BCL2L13: variants seen among roughly 807,000 people sequenced by gnomAD.
BCL2L13 encodes bcl-2-like protein 13.
In BCL2L13, 13 loss-of-function variants were observed where a neutral mutation model predicts 25.8. The ratio of observed to expected loss-of-function variants is 0.50; its 90% CI spans 0.33 to 0.80. The LOEUF (loss-of-function observed/expected upper bound fraction) is 0.80, where lower values mean the gene tolerates loss of function less well. Among genes scored for constraint, BCL2L13 ranks in the 30% least tolerant of loss-of-function variants. The probability of loss-of-function intolerance (pLI) is 0.02; values close to 1 mark genes in which losing one functional copy is unlikely to be tolerated. For synonymous variants in BCL2L13, 244 were observed against 230.3 expected (o/e 1.06, Z -0.54); for missense variants, 504 against 574.9 (o/e 0.88, Z 1.26).
intron 1 of BCL2L13, among the ~76,000 whole-genome samples, chr22:17,655,065 CTT>C (rs58560639): frequency 2.7e-5 from 4 of 150,452 alleles, no homozygotes; most frequent in East Asian, 3.9e-4. Context: ...TTTAAATTTT[CTT>C]TTTTTTTTCC....
At chr22:17,715,149 TATATATATATATATATATA>T (rs1569007776) in intron 6 of BCL2L13, among the ~76,000 whole-genome samples, 2 of 8,976 alleles carry the variant, frequency 2.2e-4, no homozygotes, top group Non-Finnish European at 3.9e-4. Context: ...TATATATATA[TATATATATATATATATATA>T]TATTTTTTTT....
chr22:17,651,602 G>A (rs1329316530), intron 1 of BCL2L13, among the ~76,000 whole-genome samples: 6 of 151,040 alleles, frequency 4.0e-5, no homozygotes, highest in Middle Eastern at 3.5e-3. Context: ...GGCTGGTCTC[G>A]AACTCCTGAC....
At chr22:17,698,069 A>G (rs1450048980) in intron 5 of BCL2L13, among the ~76,000 whole-genome samples, 3 of 147,356 alleles carry the variant, frequency 2.0e-5, no homozygotes, top group African/African-American at 7.5e-5. Context: ...GCTCACCTCA[A>G]TCTCCCAAAT....
rs1601447183 is a variant in BCL2L13, at chr22:17,638,853, C to T, written c.-84C>T. ...TCGGAAGCAACTGCCGCCGCCGCCT[C>T]TTTCATCTCTTCTGGGGCAGGGGCC... On this transcript the variant is annotated 5_prime_UTR_variant, in exon 1 of 7. Coordinates refer to ENST00000317582, the MANE Select transcript of BCL2L13 (RefSeq NM_015367.4). The T allele has an allele frequency of 8.1e-6, 10 of 1,232,322 alleles. No individual in the cohort carries two copies. Among genetic ancestry groups the T allele is most frequent in the Non-Finnish European group, 1.0e-5 (10 of 988,476 alleles). The allele number at this position is 1,232,322 out of a possible 1,614,324, so 76.3% of individuals were successfully genotyped here. A position where few individuals can be genotyped will look rare whatever the true frequency, so the allele number is the denominator to read the frequency against.
At chr22:17,646,407 C>T (rs2058473379) in intron 1 of BCL2L13, among the ~76,000 whole-genome samples, 1 of 151,138 alleles carries the variant, frequency 6.6e-6, no homozygotes, top group African/African-American at 2.5e-5. Context: ...TGCCACCACG[C>T]CAGGCTAATT....
intron 2 of BCL2L13, among the ~76,000 whole-genome samples, chr22:17,678,189 GTTT>G (rs372347478): frequency 1.3e-5 from 2 of 151,952 alleles, no homozygotes; most frequent in Admixed American, 1.3e-4. Flanking sequence ...TGCTCAGCTA[GTTT>G]TTTTTATTTT....
At chr22:17,720,079 A>G (rs905823325) in intron 6 of BCL2L13, among the ~76,000 whole-genome samples, 4 of 152,098 alleles carry the variant, frequency 2.6e-5, no homozygotes, top group African/African-American at 7.2e-5. Context: ...TTTTCTGGCA[A>G]TTGTAATGTG....
chr22:17,690,595 C>CA (rs36072030), intron 4 of BCL2L13, among the ~76,000 whole-genome samples: 2 of 151,636 alleles, frequency 1.3e-5, no homozygotes, highest in East Asian at 1.9e-4. Context: ...CCTGTCTCTA[C>CA]AAAAAAAATG....
intron 6 of BCL2L13, among the ~76,000 whole-genome samples, chr22:17,720,299 G>C (rs908818791): frequency 6.6e-6 from 1 of 152,098 alleles, no homozygotes; most frequent in African/African-American, 2.4e-5. Flanking sequence ...CTCCTGAGTA[G>C]CTGAGTAGCT....
intron 3 of BCL2L13, 134 bp from the exon 4 acceptor site, chr22:17,688,852 C>A: frequency 4.6e-6 from 3 of 653,958 alleles, no homozygotes; most frequent in Non-Finnish European, 6.6e-6. Context: ...ACCACAACCT[C>A]TGCCTCCTGG....
intron 1 of BCL2L13, among the ~76,000 whole-genome samples, chr22:17,645,225 A>ATT (rs60836823): frequency 4.1e-5 from 4 of 97,638 alleles, no homozygotes; most frequent in African/African-American, 4.3e-5. Flanking sequence ...TAATAGTAGG[A>ATT]TTTTTTTTTT....
chr22:17,670,266 A>G (rs1181489537), intron 2 of BCL2L13, among the ~76,000 whole-genome samples: 1 of 151,648 alleles, frequency 6.6e-6, no homozygotes, highest in Non-Finnish European at 1.5e-5. Context: ...TTTCCATATT[A>G]ATTTTAGGAT....
chr22:17,722,158 T>C lies in BCL2L13; in HGVS notation c.601-4519T>C, dbSNP rs543267588. Among the ~76,000 whole-genome samples, 33 of 152,348 alleles carry C rather than the reference T, an allele frequency of 2.2e-4. No individual in the cohort carries two copies. In the South Asian group the frequency reaches 5.2e-3, roughly 24 times the overall value. On this transcript the variant is annotated intron_variant, in intron 6 of 6. Transcript: ENST00000317582. ...TACCATCCATTTTCCCACAGAGTTA[T>C]CTTTGCCACAAATCATGTGACCTTA... is the stretch of plus-strand genomic sequence containing the variant.
intron 6 of BCL2L13, among the ~76,000 whole-genome samples, chr22:17,719,948 A>G (rs1384846943): frequency 6.6e-6 from 1 of 152,090 alleles, no homozygotes; most frequent in Non-Finnish European, 1.5e-5. Context: ...GCATGACTCC[A>G]TTTCTACTTC....
At chr22:17,701,329 A>G (rs2060427770) in intron 5 of BCL2L13, among the ~76,000 whole-genome samples, 1 of 152,178 alleles carries the variant, frequency 6.6e-6, no homozygotes, top group African/African-American at 2.4e-5. Flanking sequence ...TTGAAAAATA[A>G]AAGTTTTCTC....
chr22:17,726,555 T>C (rs1395505909), intron 6 of BCL2L13, 122 bp from the exon 7 acceptor site: 2 of 1,137,084 alleles, frequency 1.8e-6, no homozygotes, highest in Non-Finnish European at 2.5e-6. Flanking sequence ...GGAAACTATG[T>C]AGGTTTAAAC....
intron 1 of BCL2L13, among the ~76,000 whole-genome samples, chr22:17,648,454 T>C (rs1171696969): frequency 6.6e-6 from 1 of 151,940 alleles, no homozygotes; most frequent in African/African-American, 2.4e-5. Flanking sequence ...TCCCAGCAAT[T>C]TGGGACGCCA....
intron 6 of BCL2L13, chr22:17,703,232 T>G (rs2060493383): frequency 6.6e-6 from 1 of 152,206 alleles, no homozygotes; most frequent in Admixed American, 6.5e-5. Flanking sequence ...TATGTATGTT[T>G]CAGAACATGT....
intron 2 of BCL2L13, among the ~76,000 whole-genome samples, chr22:17,670,821 G>A (rs923613971): frequency 3.9e-5 from 6 of 152,294 alleles, no homozygotes; most frequent in South Asian, 4.1e-4. Context: ...GACCTTGGGT[G>A]GTGCATGGTG....
Sources: gnomAD v4.1 joint callset for allele counts (sites outside exome capture counted in the v4.1 genomes callset) on GRCh38, gnomAD v4.1.1 for gene constraint, MANE v1.5 for transcripts, NCBI Gene and HGNC (gene_info 2026-07-23, HGNC 2026-07-21) for gene names.